AGBL4: variants seen among roughly 807,000 people sequenced by gnomAD.
AGBL4 encodes the protein AGBL carboxypeptidase 4, also known as cytosolic carboxypeptidase 6.
AGBL4 carries 58 observed loss-of-function variants against 66.4 expected under a neutral mutation model. That is an observed-to-expected ratio of 0.87 (90% CI 0.71 to 1.09). AGBL4 has a LOEUF of 1.09. AGBL4 is among the 50% of genes least tolerant of loss of function. AGBL4 has a pLI of 0.00. For missense variants in AGBL4, 579 were observed against 631.0 expected (o/e 0.92, Z 0.88); for synonymous variants, 234 against 222.9 (o/e 1.05, Z -0.44).
chr1:49,554,348 C>G (rs1653225221), intron 3 of AGBL4, among the ~76,000 whole-genome samples: 2 of 152,138 alleles, frequency 1.3e-5, no homozygotes, highest in East Asian at 1.9e-4. Context: ...CTGAGTTTCT[C>G]AGGAAGAGCC....
At chr1:49,499,902 G>A (rs1304967064) in intron 3 of AGBL4, among the ~76,000 whole-genome samples, 1 of 151,934 alleles carries the variant, frequency 6.6e-6, no homozygotes, top group Non-Finnish European at 1.5e-5. Context: ...TAGTGGGATT[G>A]CTGGATGAAA....
chr1:49,222,829 A>C (rs925391239), intron 4 of AGBL4, among the ~76,000 whole-genome samples: 12 of 152,214 alleles, frequency 7.9e-5, no homozygotes, highest in African/African-American at 2.9e-4. Context: ...TCATTTTATT[A>C]ATAAGTAGAT....
intron 6 of AGBL4, among the ~76,000 whole-genome samples, chr1:48,795,096 C>T (rs1024752956): frequency 2.0e-5 from 3 of 152,158 alleles, no homozygotes; most frequent in Non-Finnish European, 2.9e-5. Flanking sequence ...ATCTATTTCA[C>T]TTCTTCTCCA....
rs570595922 is a variant in AGBL4 at position 49,873,987 on chromosome 1, C to T, written c.35-22469G>A. ...GAATTTACACTACATAAAAACAAGA[C>T]TTACTGTAATGACACCAAAAATAGC... is the stretch of plus-strand genomic sequence containing the variant. On this transcript the variant is annotated intron_variant, in intron 1 of 13. Coordinates refer to ENST00000371839, the MANE Select transcript of AGBL4 (RefSeq NM_032785.4). 2.6e-5 allele frequency among the ~76,000 whole-genome samples: 4 copies of T among 152,092 alleles called. No homozygotes were observed. In the South Asian group the frequency reaches 8.3e-4, roughly 32 times the overall value.
chr1:48,779,948 A>G (rs1301035609), intron 6 of AGBL4, among the ~76,000 whole-genome samples: 1 of 152,052 alleles, frequency 6.6e-6, no homozygotes, highest in Non-Finnish European at 1.5e-5. Context: ...TCCTGACCTC[A>G]GGCAATCCAC....
intron 6 of AGBL4, among the ~76,000 whole-genome samples, chr1:48,795,471 C>A (rs998662570): frequency 7.9e-5 from 12 of 151,880 alleles, no homozygotes; most frequent in Non-Finnish European, 8.8e-5. Flanking sequence ...TAGAGATTTA[C>A]ATATAGTGGT....
intron 3 of AGBL4, among the ~76,000 whole-genome samples, chr1:49,297,486 C>T (rs957557452): frequency 3.9e-5 from 6 of 152,308 alleles, no homozygotes; most frequent in Middle Eastern, 3.4e-3. Context: ...GAGAGGTAAG[C>T]TGTGGAACAG....
intron 6 of AGBL4, among the ~76,000 whole-genome samples, chr1:48,735,813 C>T (rs1648950155): frequency 6.6e-6 from 1 of 152,000 alleles, no homozygotes; most frequent in Non-Finnish European, 1.5e-5. Context: ...CCTTTCCCAT[C>T]TCCATGCCTT....
intron 4 of AGBL4, among the ~76,000 whole-genome samples, chr1:49,240,526 C>G (rs762888449): frequency 1.3e-5 from 2 of 148,422 alleles, no homozygotes; most frequent in South Asian, 4.3e-4. Flanking sequence ...AGACTTCGCT[C>G]TTTGGTTTCA....
At chr1:48,772,461 T>C (rs1934378) in intron 6 of AGBL4, among the ~76,000 whole-genome samples, 148,534 of 152,222 alleles carry the variant, frequency 0.98, 72,560 homozygotes, top group East Asian at 1. Flanking sequence ...TTAATCCACC[T>C]TGGCTGGCTC....
intron 3 of AGBL4, among the ~76,000 whole-genome samples, chr1:49,561,117 TG>T (rs1558052364): frequency 6.6e-6 from 1 of 152,018 alleles, no homozygotes; most frequent in Non-Finnish European, 1.5e-5. Context: ...AAAGATTGAA[TG>T]ATGAACCAAT....
intron 1 of AGBL4, among the ~76,000 whole-genome samples, chr1:50,002,531 G>A (rs760868867): frequency 3.3e-5 from 5 of 151,142 alleles, no homozygotes; most frequent in Admixed American, 6.6e-5. Context: ...CACCACGCCC[G>A]GCTAATTTTT....
At chr1:48,647,185 G>T (rs571305196) in intron 8 of AGBL4, among the ~76,000 whole-genome samples, 8 of 152,276 alleles carry the variant, frequency 5.3e-5, no homozygotes, top group African/African-American at 1.7e-4. Context: ...TCCACCATGG[G>T]GTCTGCAGTT....
intron 4 of AGBL4, among the ~76,000 whole-genome samples, chr1:49,049,771 G>A (rs983188757): frequency 4.6e-5 from 7 of 151,916 alleles, no homozygotes; most frequent in Non-Finnish European, 7.4e-5. Flanking sequence ...TTGATGTTAG[G>A]TTAGACAAGG....
intron 3 of AGBL4, among the ~76,000 whole-genome samples, chr1:49,682,548 C>G (rs1290506069): frequency 6.6e-6 from 1 of 152,092 alleles, no homozygotes; most frequent in Non-Finnish European, 1.5e-5. Context: ...TGTTATTGCC[C>G]ACTCATCACA....
chr1:49,596,573 G>A lies in AGBL4; in HGVS notation c.282+100740C>T, dbSNP rs543981265. Among the ~76,000 whole-genome samples the A allele has an allele frequency of 1.7e-3, 258 of 152,304 alleles. 1 individual carries two copies. The highest frequency in any genetic ancestry group is 5.8e-3 in the African/African-American group (240 of 41,560). On this transcript the variant is annotated intron_variant, in intron 3 of 13. Transcript: ENST00000371839. ...CTTTAATCATTCTAGAAATGTAGAT[G>A]TATGTTAGTAAGAAGGCATTTGTTT... is the stretch of plus-strand genomic sequence containing the variant.
intron 3 of AGBL4, among the ~76,000 whole-genome samples, chr1:49,650,269 G>A (rs565023467): frequency 1.3e-5 from 2 of 152,258 alleles, no homozygotes; most frequent in South Asian, 2.1e-4. Context: ...AAAGCTGGGG[G>A]CACAGAAAAG....
intron 2 of AGBL4, among the ~76,000 whole-genome samples, chr1:49,745,434 G>A (rs1391179591): frequency 9.9e-5 from 15 of 151,880 alleles, no homozygotes; most frequent in Admixed American, 9.9e-4. Flanking sequence ...TGTGACAAAT[G>A]TAAGGGTTAA....
chr1:49,776,535 T>A (rs1644202929), intron 2 of AGBL4, among the ~76,000 whole-genome samples: 1 of 152,134 alleles, frequency 6.6e-6, no homozygotes, highest in Non-Finnish European at 1.5e-5. Flanking sequence ...CCTTAGGGTA[T>A]TACCTGCTAA....
Sources: allele counts gnomAD v4.1 joint callset (sites outside exome capture counted in the v4.1 genomes callset), GRCh38; gene constraint gnomAD v4.1.1; transcripts MANE v1.5; gene names NCBI Gene and HGNC (gene_info 2026-07-23, HGNC 2026-07-21).